Variants in ANKRD11 observed in about 807,000 individuals in gnomAD.
ANKRD11 encodes the protein ankyrin repeat domain 11.
ANKRD11 carries 17 observed loss-of-function variants against 195.7 expected under a neutral mutation model. The observed-to-expected ratio is 0.09, with a 90% CI of 0.06 to 0.13. The LOEUF (loss-of-function observed/expected upper bound fraction) is 0.13. Among genes scored for constraint, ANKRD11 ranks in the 10% least tolerant of loss-of-function variants. The pLI, the probability that ANKRD11 is intolerant of heterozygous loss-of-function variation, is 1.00. For synonymous variants in ANKRD11, 1,953 were observed against 1,528.1 expected (o/e 1.28, Z -6.49); for missense variants, 3,735 against 3,566.1 (o/e 1.05, Z -1.21).
At chr16:89,275,027 C>T (rs890731174) in intron 10 of ANKRD11, 66 bp downstream of exon 10, 13 of 1,612,668 alleles carry the variant, frequency 8.1e-6, no homozygotes, top group South Asian at 1.1e-5. Flanking sequence ...AACACGACAG[C>T]CCCTGGGGCC....
rs767346209 is a variant in ANKRD11, at chr16:89,284,075, A to T, written c.2467T>A (p.Phe823Ile). The change falls in exon 9 of 13, where the codon TTT (phenylalanine) becomes ATT (isoleucine). Residue 823 changes from phenylalanine to isoleucine, a missense_variant. Transcript: ENST00000301030. ...AFDEYCNKNQ[F>I]LENEDTKFSL... ...AATTTGGTGTCTTCATTCTCCAGAAACTGATTTTTGTTACAATATTCGTCA... is the reference window on the plus strand; with the variant it reads ...AATTTGGTGTCTTCATTCTCCAGAATCTGATTTTTGTTACAATATTCGTCA... The T allele has an allele frequency of 6.2e-7, 1 of 1,614,126 alleles. No individual in the cohort carries two copies. Among genetic ancestry groups the T allele is most frequent in the Non-Finnish European group, 8.5e-7 (1 of 1,180,006 alleles).
chr16:89,290,811 G>A lies in ANKRD11; in HGVS notation c.415C>T (p.His139Tyr). 1 of 1,613,864 alleles carries A rather than the reference G, an allele frequency of 6.2e-7. No homozygotes were observed. Among genetic ancestry groups the A allele is most frequent in the South Asian group, 1.1e-5 (1 of 91,076 alleles). ...ANSPVDTTPK[H>Y]PSQSTVCQKG... is the part of the protein sequence containing the mutation. ...TGACACACTGTAGACTGGGAGGGGT[G>A]CTTTGGTGTTGTGTCCACTGCAGGC... Residue 139 changes from histidine (H) to tyrosine (Y), a missense_variant, in exon 6 of 13, where the codon CAC becomes TAC. His to Tyr is a moderately conservative substitution (Grantham distance 83). Transcript: ENST00000301030.
At chr16:89,430,166 T>C (rs1459885511) in intron 1 of ANKRD11, among the ~76,000 whole-genome samples, 18 of 96,300 alleles carry the variant, frequency 1.9e-4, no homozygotes, top group African/African-American at 8.0e-4. Context: ...TCAGTCGTTC[T>C]AGTACATAGC....
At chr16:89,392,916 C>A (rs2068917510) in intron 2 of ANKRD11, among the ~76,000 whole-genome samples, 1 of 151,960 alleles carries the variant, frequency 6.6e-6, no homozygotes, top group African/African-American at 2.4e-5. Context: ...ACCTTGGGAC[C>A]TGCCTGCATC....
At chr16:89,489,842 G>A (rs1156834124) in intron 1 of ANKRD11, among the ~76,000 whole-genome samples, 2 of 128,372 alleles carry the variant, frequency 1.6e-5, no homozygotes, top group African/African-American at 5.9e-5. Flanking sequence ...CGGCCCCCAG[G>A]CCCGCCCCGG....
At chr16:89,324,180 G>A (rs1331507216) in intron 2 of ANKRD11, 2 of 1,157,968 alleles carry the variant, frequency 1.7e-6, no homozygotes, top group Admixed American at 3.8e-5. Context: ...ATCACGGCGG[G>A]GGGTGGCAGC....
intron 2 of ANKRD11, among the ~76,000 whole-genome samples, chr16:89,355,051 T>C (rs982151825): frequency 3.3e-5 from 5 of 152,158 alleles, no homozygotes; most frequent in African/African-American, 9.7e-5. Flanking sequence ...CAGAACAACA[T>C]GTTTGCTTTC....
chr16:89,458,890 C>T (rs576035865), intron 1 of ANKRD11: 1 of 152,430 alleles, frequency 6.6e-6, no homozygotes, highest in Admixed American at 6.5e-5. Context: ...TGTGGTTCCT[C>T]AGGGGTCCTG....
intron 1 of ANKRD11, among the ~76,000 whole-genome samples, chr16:89,472,456 A>G (rs71396919): frequency 1.3e-5 from 2 of 152,226 alleles, no homozygotes; most frequent in Non-Finnish European, 2.9e-5. Context: ...AAGGAGCAGC[A>G]AGGCTGGAAA....
chr16:89,415,779 G>A (rs1300684803), intron 2 of ANKRD11, among the ~76,000 whole-genome samples: 1 of 131,604 alleles, frequency 7.6e-6, no homozygotes, highest in African/African-American at 2.9e-5. Flanking sequence ...AGTGAGCCGA[G>A]ATTGCACCAC....
chr16:89,391,252 T>C (rs1037335310), intron 2 of ANKRD11, among the ~76,000 whole-genome samples: 2 of 148,660 alleles, frequency 1.3e-5, no homozygotes, highest in African/African-American at 5.0e-5. Flanking sequence ...AAAAAAATGA[T>C]TGAACCCAAG....
At chr16:89,383,472 T>C (rs2040754095) in intron 2 of ANKRD11, among the ~76,000 whole-genome samples, 1 of 152,246 alleles carries the variant, frequency 6.6e-6, no homozygotes, top group Non-Finnish European at 1.5e-5. Context: ...TGGGCTCATT[T>C]CTGTCTCATT....
intron 1 of ANKRD11, among the ~76,000 whole-genome samples, chr16:89,479,631 C>CT (rs2057376122): frequency 1.4e-5 from 1 of 71,628 alleles, no homozygotes; most frequent in Non-Finnish European, 3.3e-5. Context: ...CGAAACTCCG[C>CT]CCCCAAAAAA....
chr16:89,296,738 G>A (rs986699367), intron 4 of ANKRD11, among the ~76,000 whole-genome samples: 1 of 152,228 alleles, frequency 6.6e-6, no homozygotes, highest in African/African-American at 2.4e-5. Flanking sequence ...TCTACACTCT[G>A]GGAGCCGGAA....
intron 2 of ANKRD11, among the ~76,000 whole-genome samples, chr16:89,395,222 G>A (rs1490646236): frequency 6.6e-6 from 1 of 152,242 alleles, no homozygotes; most frequent in African/African-American, 2.4e-5. Context: ...TTAACAGAAA[G>A]AATTATGCAA....
chr16:89,480,539 T>C (rs1009921879), intron 1 of ANKRD11, among the ~76,000 whole-genome samples: 14 of 152,170 alleles, frequency 9.2e-5, no homozygotes, highest in Non-Finnish European at 1.3e-4. Context: ...ATTAGGTATC[T>C]ATTAATATGT....
At chr16:89,441,098 T>C (rs551759918) in intron 1 of ANKRD11, among the ~76,000 whole-genome samples, 168 of 151,220 alleles carry the variant, frequency 1.1e-3, no homozygotes, top group African/African-American at 3.7e-3. Context: ...TAGCCGGGCG[T>C]GGTGGTGGGC....
At chr16:89,458,029 G>A (rs534030675) in intron 1 of ANKRD11, among the ~76,000 whole-genome samples, 2 of 151,960 alleles carry the variant, frequency 1.3e-5, no homozygotes, top group African/African-American at 2.4e-5. Context: ...ACTGGAGACC[G>A]CAGCCATCCA....
intron 1 of ANKRD11, among the ~76,000 whole-genome samples, chr16:89,453,516 C>T (rs1346680866): frequency 6.6e-6 from 1 of 152,194 alleles, no homozygotes; most frequent in African/African-American, 2.4e-5. Context: ...ACACGTCCTG[C>T]CTGCTAAGGT....
Sources: gnomAD v4.1 joint callset for allele counts (sites outside exome capture counted in the v4.1 genomes callset) on GRCh38, gnomAD v4.1.1 for gene constraint, MANE v1.5 for transcripts, NCBI Gene and HGNC (gene_info 2026-07-23, HGNC 2026-07-21) for gene names.